Variants in CLYBL observed in about 807,000 individuals in gnomAD.
The protein encoded by CLYBL is citramalyl-CoA lyase, mitochondrial.
Under a neutral mutation model 38.9 loss-of-function variants are expected in CLYBL, and 31 were observed. The ratio of observed to expected loss-of-function variants is 0.80; its 90% CI spans 0.60 to 1.08. The LOEUF (loss-of-function observed/expected upper bound fraction) is 1.08, where lower values mean the gene tolerates loss of function less well. Among genes scored for constraint, CLYBL ranks in the 50% least tolerant of loss-of-function variants. The probability of loss-of-function intolerance (pLI) is 0.00; values close to 1 mark genes in which losing one functional copy is unlikely to be tolerated. For missense variants in CLYBL, 434 were observed against 411.6 expected (o/e 1.05, Z -0.47); for synonymous variants, 171 against 158.6 (o/e 1.08, Z -0.59).
At chr13:99,808,807 C>A (rs1377040359) in intron 2 of CLYBL, among the ~76,000 whole-genome samples, 1 of 152,094 alleles carries the variant, frequency 6.6e-6, no homozygotes, top group Non-Finnish European at 1.5e-5. Flanking sequence ...CCAAAGTAAC[C>A]CACATGATCT....
intron 1 of CLYBL, among the ~76,000 whole-genome samples, chr13:99,639,462 A>G (rs899652628): frequency 6.6e-6 from 1 of 152,248 alleles, no homozygotes; most frequent in African/African-American, 2.4e-5. Flanking sequence ...ATAAGCATTT[A>G]GAGTCATTTT....
rs1007721107 is a variant in CLYBL at position 99,869,608 on chromosome 13, A to T, written c.803-1330A>T. On this transcript the variant is annotated intron_variant, in intron 6 of 8. Transcript: ENST00000339105. The surrounding 1 kb of genome is among the most constrained non-coding windows in gnomAD (Gnocchi z 4.3). Reference sequence around the variant, plus strand: ...AATGTGAGGATGTTTTAATTATGCCATTGGAAAGAAAAGATATTATTATAT... The same window carrying T: ...AATGTGAGGATGTTTTAATTATGCCTTTGGAAAGAAAAGATATTATTATAT... Among the ~76,000 whole-genome samples the T allele has an allele frequency of 5.8e-4, 88 of 152,150 alleles. No homozygotes were observed. Among genetic ancestry groups the T allele is most frequent in the African/African-American group, 2.0e-3 (82 of 41,458 alleles).
intron 1 of CLYBL, among the ~76,000 whole-genome samples, chr13:99,695,668 C>T (rs2047968576): frequency 6.6e-6 from 1 of 152,064 alleles, no homozygotes; most frequent in Non-Finnish European, 1.5e-5. Context: ...TGCAGGTACG[C>T]ACCACCACAC....
At chr13:99,756,392 C>T (rs2049063419) in intron 1 of CLYBL, among the ~76,000 whole-genome samples, 2 of 152,142 alleles carry the variant, frequency 1.3e-5, no homozygotes, top group South Asian at 2.1e-4. Context: ...TTTGGCTGTA[C>T]TTTGGAGTCT....
At chr13:99,792,910 A>C (rs1258854315) in intron 2 of CLYBL, among the ~76,000 whole-genome samples, 1 of 152,120 alleles carries the variant, frequency 6.6e-6, no homozygotes, top group Admixed American at 6.5e-5. Context: ...TTAATTTATT[A>C]GTACTCTTTA....
intron 2 of CLYBL, among the ~76,000 whole-genome samples, chr13:99,835,861 A>C (rs2050922365): frequency 1.3e-5 from 2 of 152,182 alleles, no homozygotes. Flanking sequence ...ATCACTGTGC[A>C]CAGTTAACCA....
chr13:99,724,572 G>A (rs1019305069), intron 1 of CLYBL, among the ~76,000 whole-genome samples: 2 of 152,008 alleles, frequency 1.3e-5, no homozygotes, highest in African/African-American at 2.4e-5. Flanking sequence ...GTTGGTCTTG[G>A]CAAAACTTTC....
At chr13:99,616,132 A>C (rs1445595537) in intron 1 of CLYBL, among the ~76,000 whole-genome samples, 1 of 136,956 alleles carries the variant, frequency 7.3e-6, no homozygotes, top group East Asian at 2.1e-4. Context: ...GGTGTGAGCC[A>C]CCACGCCTGG....
intron 1 of CLYBL, among the ~76,000 whole-genome samples, chr13:99,706,917 C>T (rs1338286964): frequency 6.6e-6 from 1 of 152,180 alleles, no homozygotes; most frequent in Non-Finnish European, 1.5e-5. Flanking sequence ...ATCCTCAAGC[C>T]TCAGCCTCCT....
chr13:99,655,739 C>A lies in CLYBL; in HGVS notation c.62+48982C>A, dbSNP rs141227337. On this transcript the variant is annotated intron_variant, in intron 1 of 8. Coordinates refer to ENST00000339105, the MANE Select transcript of CLYBL (RefSeq NM_206808.5). The stretch of plus-strand genomic sequence containing the variant: ...GATGACGTGGCCCTGTCTGGGTGCC[C>A]GTGAGTCAGATGGCAGGGATGGCCT... 3.5e-3 allele frequency among the ~76,000 whole-genome samples: 528 copies of A among 152,306 alleles called. 1 individual carries two copies. The highest frequency in any genetic ancestry group is 0.011 in the African/African-American group (442 of 41,566).
chr13:99,780,116 A>G (rs530004572), intron 2 of CLYBL, among the ~76,000 whole-genome samples: 23 of 152,226 alleles, frequency 1.5e-4, no homozygotes, highest in Admixed American at 2.6e-4. Flanking sequence ...AAATTTGCCA[A>G]TGTCTTTAGG....
intron 2 of CLYBL, among the ~76,000 whole-genome samples, chr13:99,789,033 G>A (rs939155242): frequency 7.0e-4 from 107 of 152,096 alleles, no homozygotes; most frequent in African/African-American, 2.5e-3. Context: ...TATTTCTGTG[G>A]GATCGGTGGT....
At chr13:99,620,111 T>C (rs964869886) in intron 1 of CLYBL, among the ~76,000 whole-genome samples, 4 of 152,200 alleles carry the variant, frequency 2.6e-5, no homozygotes, top group African/African-American at 9.6e-5. Flanking sequence ...CAGTGACTTA[T>C]GATGGACACA....
chr13:99,635,974 T>A (rs1402080621), intron 1 of CLYBL, among the ~76,000 whole-genome samples: 1 of 152,250 alleles, frequency 6.6e-6, no homozygotes, highest in African/African-American at 2.4e-5. Flanking sequence ...CTTGATTAAA[T>A]GTTTTTCTCT....
intron 7 of CLYBL, among the ~76,000 whole-genome samples, chr13:99,873,439 GCA>G (rs1240251123): frequency 2.0e-5 from 3 of 152,176 alleles, no homozygotes; most frequent in Admixed American, 6.5e-5. Flanking sequence ...TTTGTCCAAA[GCA>G]CAGATGACTC....
At chr13:99,798,392 C>T (rs1018208733) in intron 2 of CLYBL, among the ~76,000 whole-genome samples, 2 of 152,150 alleles carry the variant, frequency 1.3e-5, no homozygotes, top group Non-Finnish European at 2.9e-5. Flanking sequence ...AGTGCCTTCC[C>T]CCTTTGTAAA....
chr13:99,783,861 A>G (rs1219607055), intron 2 of CLYBL: 1 of 128,862 alleles, frequency 7.8e-6, no homozygotes, highest in African/African-American at 3.3e-5. Flanking sequence ...GCAAAGTCTT[A>G]TATGCCTCAA....
chr13:99,754,984 G>A (rs1426346246), intron 1 of CLYBL, among the ~76,000 whole-genome samples: 2 of 150,862 alleles, frequency 1.3e-5, no homozygotes, highest in Admixed American at 6.6e-5. Flanking sequence ...TGCAAGCTCC[G>A]CCTCCCAGGT....
chr13:99,817,060 C>T (rs766340750), intron 2 of CLYBL, among the ~76,000 whole-genome samples: 10 of 152,150 alleles, frequency 6.6e-5, no homozygotes, highest in African/African-American at 2.2e-4. Context: ...CTTTCTCAGC[C>T]GATTCAGCTC....
Sources: allele counts gnomAD v4.1 joint callset (sites outside exome capture counted in the v4.1 genomes callset), GRCh38; gene constraint gnomAD v4.1.1; non-coding constraint Gnocchi (gnomAD v3.1); transcripts MANE v1.5; gene names NCBI Gene and HGNC (gene_info 2026-07-23, HGNC 2026-07-21).